Variants in HDAC9 observed in about 807,000 individuals in gnomAD.
HDAC9 encodes the protein MEF-2 interacting transcription repressor (MITR) protein.
HDAC9 carries 41 observed loss-of-function variants against 139.4 expected under a neutral mutation model. That is an observed-to-expected ratio of 0.29 (90% CI 0.23 to 0.38). The LOEUF is 0.38. Among genes scored for constraint, HDAC9 ranks in the 10% least tolerant of loss-of-function variants. HDAC9 has a pLI of 1.00. For synonymous variants in HDAC9, 517 were observed against 476.2 expected (o/e 1.09, Z -1.12); for missense variants, 1,147 against 1,297.0 (o/e 0.88, Z 1.78).
At chr7:18,247,296 G>A (rs755270114) in intron 2 of HDAC9, among the ~76,000 whole-genome samples, 4 of 152,052 alleles carry the variant, frequency 2.6e-5, no homozygotes, top group Admixed American at 1.3e-4. Flanking sequence ...AAGAGGCCAC[G>A]TGGTGAGCAC....
At chr7:18,220,842 G>A (rs1217433066) in intron 2 of HDAC9, among the ~76,000 whole-genome samples, 1 of 152,120 alleles carries the variant, frequency 6.6e-6, no homozygotes, top group East Asian at 1.9e-4. Context: ...CAGGAAGAAA[G>A]CAATCAGATT....
chr7:18,917,077 A>C (rs1419397846), intron 22 of HDAC9, among the ~76,000 whole-genome samples: 2 of 152,188 alleles, frequency 1.3e-5, no homozygotes, highest in Non-Finnish European at 2.9e-5. Context: ...TGCTCTTAGA[A>C]GTTCTGTGAA....
At chr7:18,791,333 A>G (rs1792290799) in intron 16 of HDAC9, among the ~76,000 whole-genome samples, 1 of 152,130 alleles carries the variant, frequency 6.6e-6, no homozygotes, top group African/African-American at 2.4e-5. Context: ...CAGTAACTTA[A>G]ATTCTGATTA....
At chr7:18,347,637 A>C (rs117427535) in intron 1 of HDAC9, among the ~76,000 whole-genome samples, 14,488 of 152,052 alleles carry the variant, frequency 0.095, 873 homozygotes, top group East Asian at 0.23. Flanking sequence ...ACAGAGTCTC[A>C]GTCTGTTGCC....
intron 12 of HDAC9, among the ~76,000 whole-genome samples, chr7:18,721,982 C>T (rs1785180857): frequency 1.3e-5 from 2 of 152,136 alleles, no homozygotes; most frequent in African/African-American, 4.8e-5. Flanking sequence ...GCCACAAAGG[C>T]ATTGATGTTT....
intron 1 of HDAC9, among the ~76,000 whole-genome samples, chr7:18,099,508 T>G (rs1261071805): frequency 2.6e-5 from 4 of 151,958 alleles, no homozygotes; most frequent in Admixed American, 1.3e-4. Context: ...ATCAAAGGCC[T>G]TTGCTTAAAC....
chr7:18,693,520 T>C (rs1006517177), intron 12 of HDAC9, among the ~76,000 whole-genome samples: 6 of 152,064 alleles, frequency 3.9e-5, no homozygotes, highest in African/African-American at 1.4e-4. Flanking sequence ...AATTTTCAAA[T>C]AGGGAGGAGA....
chr7:18,875,236 A>G (rs912420684), intron 22 of HDAC9, among the ~76,000 whole-genome samples: 1 of 152,200 alleles, frequency 6.6e-6, no homozygotes, highest in African/African-American at 2.4e-5. Context: ...TTCTTTAAAA[A>G]TAATTCCCTT....
At chr7:18,297,436 C>CA (rs1399819445) in intron 1 of HDAC9, among the ~76,000 whole-genome samples, 3 of 152,116 alleles carry the variant, frequency 2.0e-5, no homozygotes, top group Non-Finnish European at 4.4e-5. Flanking sequence ...CTGCATTTCT[C>CA]AGATAGCTGT....
chr7:18,313,190 A>G (rs1364825362), intron 1 of HDAC9, among the ~76,000 whole-genome samples: 1 of 152,134 alleles, frequency 6.6e-6, no homozygotes, highest in African/African-American at 2.4e-5. Context: ...GATTTCAGGG[A>G]AAAAGTATTC....
At chr7:18,731,305 T>C (rs536062590) in intron 13 of HDAC9, among the ~76,000 whole-genome samples, 1 of 152,226 alleles carries the variant, frequency 6.6e-6, no homozygotes, top group Admixed American at 6.5e-5. Flanking sequence ...TTCCACTAAA[T>C]AGCAAGGTAG....
intron 6 of HDAC9, among the ~76,000 whole-genome samples, chr7:18,623,739 C>G (rs1026833373): frequency 3.3e-5 from 5 of 152,108 alleles, no homozygotes; most frequent in African/African-American, 1.2e-4. Context: ...GTCAGGAGCT[C>G]CAGACCACCC....
At chr7:18,135,352 G>A (rs1272662275) in intron 1 of HDAC9, among the ~76,000 whole-genome samples, 2 of 136,854 alleles carry the variant, frequency 1.5e-5, no homozygotes, top group African/African-American at 2.8e-5. Flanking sequence ...TGCACATTGT[G>A]CAGGTTAGTT....
At chr7:18,767,790 G>C (rs1023430733) in intron 16 of HDAC9, among the ~76,000 whole-genome samples, 1 of 152,104 alleles carries the variant, frequency 6.6e-6, no homozygotes, top group African/African-American at 2.4e-5. Flanking sequence ...TCTATTTAAA[G>C]TTAACCCTTA....
chr7:18,584,067 T>G (rs1458227824), intron 2 of HDAC9, among the ~76,000 whole-genome samples: 1 of 151,088 alleles, frequency 6.6e-6, no homozygotes, highest in Non-Finnish European at 1.5e-5. Context: ...ACACCAACAA[T>G]AAATAAATGG....
chr7:18,682,906 A>G (rs1781988469), intron 12 of HDAC9, among the ~76,000 whole-genome samples: 2 of 152,024 alleles, frequency 1.3e-5, no homozygotes, highest in South Asian at 2.1e-4. Flanking sequence ...GCATGAACCT[A>G]GGAAGCGGAG....
chr7:18,797,265 C>T (rs1792881616), intron 17 of HDAC9, among the ~76,000 whole-genome samples: 1 of 152,084 alleles, frequency 6.6e-6, no homozygotes, highest in South Asian at 2.1e-4. Context: ...CATTCTTTTA[C>T]AGATAGCACA....
intron 1 of HDAC9, among the ~76,000 whole-genome samples, chr7:18,388,111 A>C (rs1371044615): frequency 1.3e-5 from 2 of 152,208 alleles, no homozygotes; most frequent in African/African-American, 2.4e-5. Context: ...AGTTTATTTC[A>C]CATATTCATG....
intron 2 of HDAC9, among the ~76,000 whole-genome samples, chr7:18,180,270 CA>C (rs1351300731): frequency 4.1e-4 from 62 of 150,300 alleles, no homozygotes; most frequent in Non-Finnish European, 6.4e-4. Flanking sequence ...CACACACACA[CA>C]CACCACATTC....
Sources: gnomAD v4.1 joint callset for allele counts (sites outside exome capture counted in the v4.1 genomes callset) on GRCh38, gnomAD v4.1.1 for gene constraint, MANE v1.5 for transcripts, NCBI Gene and HGNC (gene_info 2026-07-23, HGNC 2026-07-21) for gene names.